Variants in ZZEF1 observed in about 807,000 individuals in gnomAD.
ZZEF1 encodes the protein zinc finger ZZ-type and EF-hand domain-containing protein 1.
ZZEF1 carries 157 observed loss-of-function variants against 342.8 expected under a neutral mutation model. The observed-to-expected ratio is 0.46, with a 90% CI of 0.40 to 0.52. ZZEF1 has a LOEUF of 0.52. ZZEF1 is among the 20% of genes least tolerant of loss of function. ZZEF1 has a pLI of 0.00. For synonymous variants in ZZEF1, 1,505 were observed against 1,429.1 expected (o/e 1.05, Z -1.20); for missense variants, 3,480 against 3,725.6 (o/e 0.93, Z 1.72).
At chr17:4,054,692 T>C (rs958465302) in intron 33 of ZZEF1, among the ~76,000 whole-genome samples, 1 of 152,140 alleles carries the variant, frequency 6.6e-6, no homozygotes, top group African/African-American at 2.4e-5. Context: ...ACAAAGGGCC[T>C]TGCATATCAG....
intron 1 of ZZEF1, among the ~76,000 whole-genome samples, chr17:4,132,923 G>T (rs953691706): frequency 6.6e-6 from 1 of 152,032 alleles, no homozygotes; most frequent in Non-Finnish European, 1.5e-5. Flanking sequence ...CTGAGATCAC[G>T]CCACTGCAGT....
chr17:4,034,410 T>G, intron 39 of ZZEF1, 118 bp from the exon 40 acceptor site: 1 of 1,029,926 alleles, frequency 9.7e-7, no homozygotes, highest in Non-Finnish European at 1.4e-6. Flanking sequence ...GAATCATGCT[T>G]GTAGCTTTCA....
Position 4,016,190 on chromosome 17 carries a change from T to A in ZZEF1, c.8145+133A>T. The A allele has an allele frequency of 9.0e-7, 1 of 1,112,188 alleles. No homozygotes were observed. The highest frequency in any genetic ancestry group is 1.3e-6 in the Non-Finnish European group (1 of 781,922). The allele number at this position is 1,112,188 out of a possible 1,614,324, so 68.9% of individuals were successfully genotyped here. The stretch of plus-strand genomic sequence containing the variant: ...CTGCAGTTTGTTCAAGGAAGCACTT[T>A]CCTGGACAGGTCTCTGCTGTCCAGC... On this transcript the variant is annotated intron_variant, in intron 49 of 54. Transcript: ENST00000381638. The surrounding 1 kb of genome is among the most constrained non-coding windows in gnomAD (Gnocchi z 4.4).
At position 4,009,623 on chromosome 17, in the gene ZZEF1, A is replaced by G; in HGVS notation, c.8714T>C (p.Val2905Ala). ...CCTCACCTGGGCACGGTTCTCGGTGACGAAGAAGAGCTCAGTGAGGGCACG... is the reference window on the plus strand; with the variant it reads ...CCTCACCTGGGCACGGTTCTCGGTGGCGAAGAAGAGCTCAGTGAGGGCACG... ...LHRALTELFF[V>A]TENRAQELGV... The change falls in exon 53 of 55, where the codon GTC becomes GCC. Residue 2905 changes from valine (V) to alanine (A), a missense_variant. Physicochemically the swap from Val to Ala is moderately conservative, Grantham distance 64 (BLOSUM62 0). Transcript: ENST00000381638. 6.2e-7 allele frequency: 1 copy of G among 1,613,666 alleles called. No individual in the cohort carries two copies. The highest frequency in any genetic ancestry group is 8.5e-7 in the Non-Finnish European group (1 of 1,179,976).
chr17:4,130,458 T>C (rs1385586824), intron 1 of ZZEF1, among the ~76,000 whole-genome samples: 1 of 151,184 alleles, frequency 6.6e-6, no homozygotes, highest in African/African-American at 2.4e-5. Flanking sequence ...GTCTCAAAAG[T>C]AAAAATAAAT....
intron 1 of ZZEF1, among the ~76,000 whole-genome samples, chr17:4,137,525 T>C (rs2058771049): frequency 6.6e-6 from 1 of 152,138 alleles, no homozygotes; most frequent in East Asian, 1.9e-4. Context: ...GGCAGGAGAA[T>C]GGTGTGAACC....
Position 4,109,947 on chromosome 17 carries a change from T to C in ZZEF1, c.1067-84A>G, listed in dbSNP as rs116246176. On this transcript the variant is annotated intron_variant, in intron 5 of 54. Transcript: ENST00000381638. ...CTCCCAACTAAAAGCAAAATAGTAA[T>C]AGACATTTTGAAAAGAAAATTCTGA... is the stretch of plus-strand genomic sequence containing the variant. 2,320 of 1,343,388 alleles carry C rather than the reference T, an allele frequency of 1.7e-3. 29 individuals are homozygous for C. In the African/African-American group the frequency reaches 0.03, roughly 17 times the overall value. The allele number at this position is 1,343,388 out of a possible 1,614,324, so 83.2% of individuals were successfully genotyped here.
intron 42 of ZZEF1, 104 bp downstream of exon 42, chr17:4,032,022 A>C (rs2056559959): frequency 7.7e-6 from 10 of 1,290,654 alleles, no homozygotes; most frequent in Non-Finnish European, 9.5e-6. Context: ...TCTTTAAAAA[A>C]ATCACACGCA....
In ZZEF1 at chr17:4,032,139, C is replaced by T. The variant is rs749247444; in HGVS notation, c.6879G>A (p.Arg2293=). 1 of 1,611,214 alleles carries T rather than the reference C, an allele frequency of 6.2e-7. No homozygotes were observed. The highest frequency in any genetic ancestry group is 1.7e-5 in the Admixed American group (1 of 59,194). The change falls in exon 42 of 55, where the codon CGG becomes CGA. Residue 2293 remains arginine, a synonymous_variant. Coordinates refer to ENST00000381638, the MANE Select transcript of ZZEF1 (RefSeq NM_015113.4). The part of the protein sequence containing the change: ...NRAVIVDVKT[R]KRKTVKDYQL... ...TACGCATGGTACCTGTTTTCCTCTTCCGAGTTTTGACATCAACAATCACAG... is the reference window on the plus strand; with the variant it reads ...TACGCATGGTACCTGTTTTCCTCTTTCGAGTTTTGACATCAACAATCACAG...
At chr17:4,033,912 G>A in intron 40 of ZZEF1, 103 bp downstream of exon 40, 2 of 1,457,284 alleles carry the variant, frequency 1.4e-6, no homozygotes, top group South Asian at 1.3e-5. Context: ...CAACACAACT[G>A]TAGCACACCG....
intron 16 of ZZEF1, among the ~76,000 whole-genome samples, chr17:4,084,650 A>G (rs1234815438): frequency 6.6e-6 from 1 of 152,204 alleles, no homozygotes; most frequent in Non-Finnish European, 1.5e-5. Flanking sequence ...ACTCATTTTC[A>G]TACAGAAATA....
chr17:4,056,455 T>C, intron 32 of ZZEF1, 110 bp from the exon 33 acceptor site: 2 of 1,160,588 alleles, frequency 1.7e-6, no homozygotes, highest in Non-Finnish European at 2.2e-6. Context: ...ATTTTTCAAC[T>C]TCTGAGAGGG....
At chr17:4,115,729 A>C (rs1168312390) in intron 3 of ZZEF1, among the ~76,000 whole-genome samples, 1 of 152,228 alleles carries the variant, frequency 6.6e-6, no homozygotes, top group Non-Finnish European at 1.5e-5. Flanking sequence ...CCAAGGGCAG[A>C]GTTACTAAAA....
rs1219872515 is a variant in ZZEF1 at position 4,072,807 on chromosome 17, G to C, written c.3686-51C>G. On this transcript the variant is annotated intron_variant, in intron 24 of 54. Transcript: ENST00000381638. Reference sequence around the variant, plus strand: ...AGTTCTATTTTTGCCTTAATATATTGAGAATCTTTGAAATGAGAAAGAAAA... The same window carrying C: ...AGTTCTATTTTTGCCTTAATATATTCAGAATCTTTGAAATGAGAAAGAAAA... The C allele has an allele frequency of 4.7e-6, 7 of 1,498,118 alleles. 1 individual carries two copies. The East Asian group carries it at 1.6e-4, about 35-fold the overall frequency. The allele number at this position is 1,498,118 out of a possible 1,614,324, so 92.8% of individuals were successfully genotyped here.
At chr17:4,087,718 T>C (rs537205352) in intron 13 of ZZEF1, among the ~76,000 whole-genome samples, 184 bp from the exon 14 acceptor site, 1 of 152,112 alleles carries the variant, frequency 6.6e-6, no homozygotes, top group East Asian at 1.9e-4. Flanking sequence ...GGTTTGAAAC[T>C]TTCTAAAATA....
At position 4,064,843 on chromosome 17, in the gene ZZEF1, A is replaced by G. The variant is rs753497959; in HGVS notation, c.4250-14T>C. Reference sequence around the variant, plus strand: ...TGCACTCTTTTGCTAGATGCAAACAAGAATCATAATTGAAAAAAAAAAAAG... The same window carrying G: ...TGCACTCTTTTGCTAGATGCAAACAGGAATCATAATTGAAAAAAAAAAAAG... On this transcript the variant is annotated splice_polypyrimidine_tract_variant and intron_variant, in intron 28 of 54. Transcript: ENST00000381638. The G allele has an allele frequency of 6.8e-5, 101 of 1,474,660 alleles. No homozygotes were observed. Among genetic ancestry groups the G allele is most frequent in the Non-Finnish European group, 8.6e-5 (94 of 1,093,472 alleles). The allele number at this position is 1,474,660 out of a possible 1,614,324, so 91.3% of individuals were successfully genotyped here.
At position 4,086,701 on chromosome 17, in the gene ZZEF1, T is replaced by C. The variant is rs565115912; in HGVS notation, c.2343-46A>G. On this transcript the variant is annotated intron_variant, in intron 14 of 54. Coordinates refer to ENST00000381638, the MANE Select transcript of ZZEF1 (RefSeq NM_015113.4). ...TCAGAGAGCAAAAGGGCAAGTTGCA[T>C]TTACTCTCCAAAGCCATATAGCTGT... 4 of 1,603,812 alleles carry C rather than the reference T, an allele frequency of 2.5e-6. No homozygotes were observed. In the African/African-American group the frequency reaches 5.3e-5, roughly 21 times the overall value.
chr17:4,046,382 T>C (rs1164785510), intron 37 of ZZEF1, among the ~76,000 whole-genome samples: 1 of 152,170 alleles, frequency 6.6e-6, no homozygotes, highest in Admixed American at 6.5e-5. Flanking sequence ...CACACAGGCT[T>C]ATGTGTGGAA....
chr17:4,084,703 C>A (rs2057786962), intron 16 of ZZEF1, among the ~76,000 whole-genome samples: 1 of 152,144 alleles, frequency 6.6e-6, no homozygotes, highest in Non-Finnish European at 1.5e-5. Context: ...ATAGAATATT[C>A]CATTTGGTAA....
Sources: allele counts gnomAD v4.1 joint callset (sites outside exome capture counted in the v4.1 genomes callset), GRCh38; gene constraint gnomAD v4.1.1; non-coding constraint Gnocchi (gnomAD v3.1); transcripts MANE v1.5; gene names NCBI Gene and HGNC (gene_info 2026-07-23, HGNC 2026-07-21).